The following SERHL2 variants were observed in gnomAD, a reference collection of about 807,000 sequenced individuals.
The protein encoded by SERHL2 is serine hydrolase-like protein 2.
A neutral mutation model predicts 25.5 loss-of-function variants in SERHL2; 29 were observed. The ratio of observed to expected loss-of-function variants is 1.14; its 90% CI spans 0.85 to 1.55. SERHL2 has a LOEUF of 1.55. Among genes scored for constraint, SERHL2 ranks in the 40% most tolerant of loss-of-function variants. The pLI is 0.00. For missense variants in SERHL2, 240 were observed against 252.3 expected (o/e 0.95, Z 0.33); for synonymous variants, 95 against 103.5 (o/e 0.92, Z 0.50).
chr22:42,560,434 C>G (rs1000524030), intron 8 of SERHL2, among the ~76,000 whole-genome samples, 169 bp downstream of exon 8: 1 of 151,986 alleles, frequency 6.6e-6, no homozygotes, highest in East Asian at 1.9e-4. Flanking sequence ...GAAACCAAGG[C>G]TCAGCATTGC....
intron 9 of SERHL2, chr22:42,569,230 T>G (rs1923824121): frequency 6.6e-6 from 1 of 151,700 alleles, no homozygotes; most frequent in South Asian, 2.1e-4. Context: ...TAGCAGTATA[T>G]GTGCTGCTGA....
intron 8 of SERHL2, among the ~76,000 whole-genome samples, chr22:42,562,338 C>T (rs922492092): frequency 6.6e-6 from 1 of 151,880 alleles, no homozygotes; most frequent in African/African-American, 2.4e-5. Flanking sequence ...GAATCTGGAG[C>T]TTAAACAACC....
chr22:42,559,476 C>T (rs935384112), intron 7 of SERHL2, among the ~76,000 whole-genome samples: 2 of 151,496 alleles, frequency 1.3e-5, no homozygotes, highest in Non-Finnish European at 2.9e-5. Flanking sequence ...CGGAGGTGGG[C>T]AGATTACGAG....
intron 8 of SERHL2, among the ~76,000 whole-genome samples, chr22:42,561,704 G>A (rs1922702552): frequency 6.6e-6 from 1 of 151,880 alleles, no homozygotes; most frequent in East Asian, 1.9e-4. Context: ...GTCCAGAAAT[G>A]GACAGCATCC....
intron 9 of SERHL2, among the ~76,000 whole-genome samples, chr22:42,567,721 T>TTTATTATTAATTA (rs1556001032): frequency 1.5e-5 from 2 of 132,012 alleles, no homozygotes; most frequent in African/African-American, 5.0e-5. Context: ...TTTCTTTAAT[T>TTTATTATTAATTA]TTATTATTAT....
chr22:42,567,982 G>A (rs550946521), intron 9 of SERHL2, among the ~76,000 whole-genome samples: 9 of 151,558 alleles, frequency 5.9e-5, no homozygotes, highest in South Asian at 2.1e-4. Context: ...TGCCTGCCTC[G>A]ACCTCCCAAA....
rs1924598678 is a variant in SERHL2, at chr22:42,573,719, C to A, written c.826-217C>A. ...AACTTCACAACTCAGCTGGCCTAGA[C>A]CCCTGGGAGGCCTCCAAGTCCCTAG... On this transcript the variant is annotated intron_variant, in intron 11 of 11. Transcript: ENST00000327678. 4 of 607,688 alleles carry A rather than the reference C, an allele frequency of 6.6e-6. No individual in the cohort carries two copies. The Admixed American group carries it at 1.1e-4, about 17-fold the overall frequency. 37.6% of individuals were successfully genotyped at this position (607,688 alleles called of 1,614,324 possible). A position where few individuals can be genotyped will look rare whatever the true frequency, so the allele number is the denominator to read the frequency against.
At chr22:42,565,048 A>C (rs1008656977) in intron 8 of SERHL2, 11 of 152,270 alleles carry the variant, frequency 7.2e-5, no homozygotes, top group Admixed American at 2.0e-4. Context: ...AAAAGAGAGC[A>C]AAGGGTGATG....
chr22:42,560,585 C>T (rs572099700), intron 8 of SERHL2, among the ~76,000 whole-genome samples: 1 of 152,060 alleles, frequency 6.6e-6, no homozygotes, highest in African/African-American at 2.4e-5. Context: ...TGCCCAGCGC[C>T]AGAGGCAGGC....
At position 42,554,034 on chromosome 22, in the gene SERHL2, C is replaced by G; in HGVS notation, c.14C>G (p.Ala5Gly). The G allele has an allele frequency of 6.2e-7, 1 of 1,613,638 alleles. No homozygotes were observed. The highest frequency in any genetic ancestry group is 8.5e-7 in the Non-Finnish European group (1 of 1,179,816). Residue 5 changes from alanine (A) to glycine (G), a missense_variant, in exon 1 of 12, where the codon GCC becomes GGC. Physicochemically the swap from Ala to Gly is moderately conservative, Grantham distance 60. Around this residue, in one of 4 missense-constraint regions of SERHL2, gnomAD observed 18 missense variants for 16.0 expected, o/e 1.12. Coordinates refer to ENST00000327678, the MANE Select transcript of SERHL2 (RefSeq NM_014509.5). The part of the protein sequence containing the change: MSEN[A>G]APGLISELKL... ...GGGACGAGAGCGATGAGTGAGAACG[C>G]CGCACCAGGTCTGACGGGGAGGCCT...
At chr22:42,571,239 A>G (rs1334263873) in intron 10 of SERHL2, 36 bp downstream of exon 10, 1 of 1,607,258 alleles carries the variant, frequency 6.2e-7, no homozygotes, top group African/African-American at 1.3e-5. Flanking sequence ...CCACCCGCCA[A>G]GGAGACATGG....
At chr22:42,568,191 ATTT>A (rs1923670673) in intron 9 of SERHL2, among the ~76,000 whole-genome samples, 1 of 105,890 alleles carries the variant, frequency 9.4e-6, no homozygotes, top group Non-Finnish European at 1.9e-5. Flanking sequence ...ACCCAGCTAA[ATTT>A]TTTACTTTTG....
chr22:42,572,494 T>C lies in SERHL2; in HGVS notation c.790T>C (p.Phe264Leu). ...QNYSEKESLS[F>L]MIDTMKSTLK... ...TTACTCTGAGAAGGAGTCCCTGTCG[T>C]TCATGATAGACACGATGAAATCCAC... Residue 264 changes from phenylalanine (F) to leucine (L), a missense_variant, in exon 11 of 12, where the codon TTC (phenylalanine) becomes CTC (leucine). By Grantham distance (22) the Phe-to-Leu change is conservative. Transcript: ENST00000327678. The C allele has an allele frequency of 6.2e-7, 1 of 1,612,082 alleles. No individual in the cohort carries two copies. Among genetic ancestry groups the C allele is most frequent in the Non-Finnish European group, 8.5e-7 (1 of 1,178,398 alleles).
Position 42,573,475 on chromosome 22 carries a change from C to G in SERHL2, c.826-461C>G, listed in dbSNP as rs373007647. 2.0e-4 allele frequency: 32 copies of G among 163,552 alleles called. No individual in the cohort carries two copies. The South Asian group carries it at 2.5e-3, about 13-fold the overall frequency. 10.1% of individuals were successfully genotyped at this position (163,552 alleles called of 1,614,324 possible). ...AACCAGGATGCTCTTGATCTCCTGA[C>G]CTCGTGATCCGCCCACCTTGGCCTC... is the stretch of plus-strand genomic sequence containing the variant. On this transcript the variant is annotated intron_variant, in intron 11 of 11. Coordinates refer to ENST00000327678, the MANE Select transcript of SERHL2 (RefSeq NM_014509.5).
At chr22:42,559,229 T>TAAAAAAAAGAAA (rs1922360367) in intron 7 of SERHL2, among the ~76,000 whole-genome samples, 1 of 69,318 alleles carries the variant, frequency 1.4e-5, no homozygotes, top group African/African-American at 9.1e-5. Context: ...ACCCTGTATT[T>TAAAAAAAAGAAA]AAAAAAAAAA....
chr22:42,567,328 G>A (rs1395682624), intron 9 of SERHL2, among the ~76,000 whole-genome samples: 2 of 152,000 alleles, frequency 1.3e-5, no homozygotes, highest in African/African-American at 4.8e-5. Context: ...GTGTCAGATA[G>A]TGATTCATTT....
At chr22:42,573,692 G>A (rs1333309608) in intron 11 of SERHL2, 6 of 547,398 alleles carry the variant, frequency 1.1e-5, no homozygotes, top group East Asian at 6.5e-5. Flanking sequence ...TCCCTGCCAT[G>A]CAACTTCACA....
chr22:42,564,705 T>A lies in SERHL2; in HGVS notation c.614-1599T>A, dbSNP rs540879826. ...CTTGGCCTCCCAAAGTATTGGGATT[T>A]CAGGTGTGAGCCACCGCACCCGGCC... is the stretch of plus-strand genomic sequence containing the variant. On this transcript the variant is annotated intron_variant, in intron 8 of 11. Transcript: ENST00000327678. Among the ~76,000 whole-genome samples, 459 of 152,068 alleles carry A rather than the reference T, an allele frequency of 3.0e-3. 3 individuals are homozygous for A. The highest frequency in any genetic ancestry group is 0.01 in the African/African-American group (433 of 41,546).
At chr22:42,573,651 T>C (rs970784168) in intron 11 of SERHL2, 43 of 425,156 alleles carry the variant, frequency 1.0e-4, no homozygotes, top group Non-Finnish European at 1.7e-4. Flanking sequence ...TCTGATACAA[T>C]CACAGCAACC....
Sources: gnomAD v4.1 joint callset for allele counts (sites outside exome capture counted in the v4.1 genomes callset) on GRCh38, gnomAD v4.1.1 for gene constraint, gnomAD v4.1.1 regional missense constraint, MANE v1.5 for transcripts, NCBI Gene and HGNC (gene_info 2026-07-23, HGNC 2026-07-21) for gene names.